Variants in WDFY3 observed in about 807,000 individuals in gnomAD.
WDFY3 encodes the protein WD repeat and FYVE domain containing 3, also known as WD repeat and FYVE domain-containing protein 3.
In WDFY3, 66 loss-of-function variants were observed where a neutral mutation model predicts 409.6. That is an observed-to-expected ratio of 0.16 (90% CI 0.13 to 0.20). The LOEUF (loss-of-function observed/expected upper bound fraction) is 0.20. WDFY3 is among the 10% of genes least tolerant of loss of function. The probability of loss-of-function intolerance (pLI) is 1.00; values close to 1 mark genes in which losing one functional copy is unlikely to be tolerated. For missense variants in WDFY3, 3,031 were observed against 4,298.1 expected (o/e 0.71, Z 8.24); for synonymous variants, 1,521 against 1,537.1 (o/e 0.99, Z 0.25).
chr4:84,864,714 A>C (rs1289775010), intron 3 of WDFY3, among the ~76,000 whole-genome samples: 2 of 152,200 alleles, frequency 1.3e-5, no homozygotes, highest in Admixed American at 1.3e-4. Context: ...ATGAGAATCC[A>C]GGCCTTCCAA....
intron 3 of WDFY3, among the ~76,000 whole-genome samples, chr4:84,881,016 C>T (rs1026511361): frequency 1.1e-4 from 17 of 151,864 alleles, no homozygotes; most frequent in African/African-American, 4.1e-4. Flanking sequence ...ACCCACTGTG[C>T]CCAACCTGAT....
intron 17 of WDFY3, among the ~76,000 whole-genome samples, chr4:84,798,792 C>A (rs1388461644): frequency 6.6e-6 from 1 of 152,160 alleles, no homozygotes; most frequent in Non-Finnish European, 1.5e-5. Flanking sequence ...ACCAATATTG[C>A]CCCAACTCAA....
chr4:84,763,815 A>G (rs939717181), intron 32 of WDFY3, among the ~76,000 whole-genome samples: 5 of 152,180 alleles, frequency 3.3e-5, no homozygotes, highest in Non-Finnish European at 5.9e-5. Context: ...AGTACCAATG[A>G]AGGACAAAAA....
At chr4:84,686,521 C>G (rs1201105160) in intron 62 of WDFY3, among the ~76,000 whole-genome samples, 5 of 152,046 alleles carry the variant, frequency 3.3e-5, no homozygotes, top group Non-Finnish European at 5.9e-5. Flanking sequence ...AGTGTTAATA[C>G]TGAGTAACTT....
At chr4:84,819,949 G>T in intron 12 of WDFY3, 136 bp downstream of exon 12, 2 of 678,136 alleles carry the variant, frequency 2.9e-6, no homozygotes, top group Non-Finnish European at 2.3e-6. Context: ...GCATTTTTAG[G>T]GACATGACGG....
At chr4:84,788,135 G>A (rs905684081) in intron 22 of WDFY3, among the ~76,000 whole-genome samples, 34 of 152,124 alleles carry the variant, frequency 2.2e-4, no homozygotes, top group East Asian at 3.9e-4. Context: ...GATGAAAAGC[G>A]TTTTATAGGG....
intron 1 of WDFY3, among the ~76,000 whole-genome samples, chr4:84,938,808 C>A (rs1771753095): frequency 6.6e-6 from 1 of 152,160 alleles, no homozygotes. Flanking sequence ...CATACACACA[C>A]ATGCACACAT....
At chr4:84,925,505 G>C (rs1769860024) in intron 2 of WDFY3, among the ~76,000 whole-genome samples, 1 of 152,150 alleles carries the variant, frequency 6.6e-6, no homozygotes, top group Non-Finnish European at 1.5e-5. Context: ...AAGAGAGGAA[G>C]AGTGAAAGAG....
intron 3 of WDFY3, among the ~76,000 whole-genome samples, chr4:84,874,786 C>T (rs1171210346): frequency 6.6e-6 from 1 of 152,066 alleles, no homozygotes; most frequent in South Asian, 2.1e-4. Flanking sequence ...CGTTGCTTAA[C>T]GACAGGGATA....
At position 84,803,485 on chromosome 4, in the gene WDFY3, G is replaced by C. The variant is rs1162406722; in HGVS notation, c.2430-18C>G. 6.3e-7 allele frequency: 1 copy of C among 1,589,436 alleles called. No individual in the cohort carries two copies. The highest frequency in any genetic ancestry group is 8.6e-7 in the Non-Finnish European group (1 of 1,169,124). ...ATGCATGCCTATAAAAAAAGAAAGA[G>C]TAAATTTGGTATTGAATTCCAATCA... On this transcript the variant is annotated intron_variant, in intron 15 of 67. Coordinates refer to ENST00000295888, the MANE Select transcript of WDFY3 (RefSeq NM_014991.6).
rs1318597241 is a variant in WDFY3 at position 84,773,388 on chromosome 4, C to T, written c.4755-459G>A. On this transcript the variant is annotated intron_variant, in intron 29 of 67. Transcript: ENST00000295888. ...AAAACCAAACAACATGATCCATATTCGAATGTCCTAACATTATCTGGATGG... is the reference window on the plus strand; with the variant it reads ...AAAACCAAACAACATGATCCATATTTGAATGTCCTAACATTATCTGGATGG... 5.3e-5 allele frequency among the ~76,000 whole-genome samples: 8 copies of T among 152,212 alleles called. 1 individual carries two copies. Among genetic ancestry groups the T allele is most frequent in the Admixed American group, 6.5e-5 (1 of 15,274 alleles).
At chr4:84,784,157 T>C (rs1242073657) in intron 24 of WDFY3, among the ~76,000 whole-genome samples, 1 of 152,164 alleles carries the variant, frequency 6.6e-6, no homozygotes, top group Non-Finnish European at 1.5e-5. Flanking sequence ...TCTCAGTCTT[T>C]TCTGGTTCTT....
At chr4:84,894,474 C>T (rs545926583) in intron 3 of WDFY3, among the ~76,000 whole-genome samples, 6 of 152,040 alleles carry the variant, frequency 3.9e-5, no homozygotes, top group Non-Finnish European at 5.9e-5. Flanking sequence ...TCCTGGCCAA[C>T]ACGGTGAAAC....
At chr4:84,803,265 A>G (rs757902364) in intron 16 of WDFY3, 25 bp downstream of exon 16, 1 of 1,571,928 alleles carries the variant, frequency 6.4e-7, no homozygotes, top group East Asian at 2.3e-5. Flanking sequence ...TACAGACGGG[A>G]AGGAACTAAC....
intron 32 of WDFY3, among the ~76,000 whole-genome samples, chr4:84,761,615 A>G (rs538889336): frequency 4.3e-4 from 66 of 152,302 alleles, no homozygotes; most frequent in African/African-American, 1.6e-3. Flanking sequence ...GACAAATGGG[A>G]TCTAATTAAA....
chr4:84,679,163 T>C lies in WDFY3; in HGVS notation c.9903A>G (p.Pro3301=). The C allele has an allele frequency of 6.2e-7, 1 of 1,613,336 alleles. No individual in the cohort carries two copies. Among genetic ancestry groups the C allele is most frequent in the Non-Finnish European group, 8.5e-7 (1 of 1,179,594 alleles). ...TGTGGCTGGTGCTGCTGGGTTGGCT[T>C]GGAGTGTCCTTAGGGTCCTGGCTGA... The part of the protein sequence containing the change: ...QSISQDPKDT[P]SQPSSTSHRP... Residue 3301 remains proline (P), a synonymous_variant, in exon 65 of 68, where the codon CCA becomes CCG. Transcript: ENST00000295888.
At chr4:84,913,220 T>C (rs948539574) in intron 2 of WDFY3, among the ~76,000 whole-genome samples, 2 of 152,172 alleles carry the variant, frequency 1.3e-5, no homozygotes, top group African/African-American at 2.4e-5. Context: ...ATGGAAAGGA[T>C]TGCCAACCTA....
chr4:84,882,087 G>A (rs1763613594), intron 3 of WDFY3, among the ~76,000 whole-genome samples: 3 of 152,080 alleles, frequency 2.0e-5, no homozygotes, highest in Admixed American at 1.3e-4. Flanking sequence ...CTCTCTGTAA[G>A]AATGCCTGTT....
intron 53 of WDFY3, among the ~76,000 whole-genome samples, chr4:84,708,498 A>C (rs1164402257): frequency 1.3e-5 from 2 of 152,142 alleles, no homozygotes; most frequent in Non-Finnish European, 2.9e-5. Flanking sequence ...GAGAACATTA[A>C]ACTACAAACC....
Sources: gnomAD v4.1 joint callset for allele counts (sites outside exome capture counted in the v4.1 genomes callset) on GRCh38, gnomAD v4.1.1 for gene constraint, MANE v1.5 for transcripts, NCBI Gene and HGNC (gene_info 2026-07-23, HGNC 2026-07-21) for gene names.